The following ERFL variants were observed in gnomAD, a reference collection of about 807,000 sequenced individuals.
The protein encoded by ERFL is ETS repressor factor like.
Under a neutral mutation model 27.9 loss-of-function variants are expected in ERFL, and 8 were observed. That is an observed-to-expected ratio of 0.29 (90% CI 0.17 to 0.52). The LOEUF is 0.52. ERFL is among the 20% of genes least tolerant of loss of function. The pLI is 0.97. For synonymous variants in ERFL, 174 were observed against 202.8 expected (o/e 0.86, Z 1.21); for missense variants, 294 against 444.4 (o/e 0.66, Z 3.04).
Position 41,916,026 on chromosome 19 carries a change from G to A in ERFL, c.-13-3094C>T, listed in dbSNP as rs188698583. On this transcript the variant is annotated intron_variant, in intron 1 of 5. Coordinates refer to ENST00000597630, the MANE Select transcript of ERFL (RefSeq NM_001365103.2). This position sits in a 1 kb window ranked among gnomAD's most constrained non-coding sequence, Gnocchi z 5.4. ...ATTTTGCTTCCTCCACCCCCCCTTC[G>A]CCCCCCATCTCTACCGCCCGCAGCC... 7.2e-5 allele frequency among the ~76,000 whole-genome samples: 9 copies of A among 125,826 alleles called. No homozygotes were observed. The highest frequency in any genetic ancestry group is 1.5e-4 in the African/African-American group (5 of 32,596). The allele number at this position is 125,826 out of a possible 152,430, so 82.5% of individuals were successfully genotyped here.
intron 1 of ERFL, among the ~76,000 whole-genome samples, chr19:41,919,089 C>T (rs1333963073): frequency 6.6e-6 from 1 of 151,722 alleles, no homozygotes; most frequent in East Asian, 1.9e-4. Flanking sequence ...TTACACCACA[C>T]CACATGCCAC....
intron 2 of ERFL, among the ~76,000 whole-genome samples, chr19:41,912,281 A>G (rs1170832850): frequency 6.6e-6 from 1 of 152,058 alleles, no homozygotes; most frequent in Non-Finnish European, 1.5e-5. Context: ...TGAGACCCCA[A>G]ATAACCAAGG....
Position 41,909,106 on chromosome 19 carries a change from C to G in ERFL, c.570G>C (p.Glu190Asp). The change falls in exon 5 of 6, where the codon GAG becomes GAC. Residue 190 changes from glutamate (E) to aspartate (D), a missense_variant. Coordinates refer to ENST00000597630, the MANE Select transcript of ERFL (RefSeq NM_001365103.2). The surrounding 1 kb of genome is among the most constrained non-coding windows in gnomAD (Gnocchi z 5.2). ...PGARTPLFTS[E>D]TDKLRLDSPF... ...GGCTGTCCAGACGCAATTTATCTGT[C>G]TCGGAGGTGAACAGGGGTGTCCGGG... is the stretch of plus-strand genomic sequence containing the variant. The G allele has an allele frequency of 1.6e-6, 2 of 1,231,912 alleles. No individual in the cohort carries two copies. Among genetic ancestry groups the G allele is most frequent in the Non-Finnish European group, 2.0e-6 (2 of 988,114 alleles). The allele number at this position is 1,231,912 out of a possible 1,614,324, so 76.3% of individuals were successfully genotyped here.
chr19:41,918,498 T>TCA (rs782457979), intron 1 of ERFL, among the ~76,000 whole-genome samples: 2 of 101,920 alleles, frequency 2.0e-5, no homozygotes, highest in Non-Finnish European at 4.1e-5. Context: ...CACACACACA[T>TCA]CACACACACA....
chr19:41,918,814 A>G (rs1457501810), intron 1 of ERFL, among the ~76,000 whole-genome samples: 4 of 146,712 alleles, frequency 2.7e-5, no homozygotes, highest in African/African-American at 5.1e-5. Flanking sequence ...CACACACCAC[A>G]TCACTCTCAC....
Position 41,916,100 on chromosome 19 carries a change from G to T in ERFL, c.-13-3168C>A, listed in dbSNP as rs1227277855. ...TGTGAGCGAAGCGGTGTGCAGAGGC[G>T]CTGGGCAGGCGAGGGCCCTCCTCCC... On this transcript the variant is annotated intron_variant, in intron 1 of 5. Coordinates refer to ENST00000597630, the MANE Select transcript of ERFL (RefSeq NM_001365103.2). The surrounding 1 kb of genome is among the most constrained non-coding windows in gnomAD (Gnocchi z 5.4). 1.3e-5 allele frequency among the ~76,000 whole-genome samples: 2 copies of T among 151,796 alleles called. No individual in the cohort carries two copies. The highest frequency in any genetic ancestry group is 2.9e-5 in the Non-Finnish European group (2 of 67,958).
At chr19:41,927,503 T>G (rs1307885856) in intron 1 of ERFL, among the ~76,000 whole-genome samples, 1 of 151,864 alleles carries the variant, frequency 6.6e-6, no homozygotes, top group Non-Finnish European at 1.5e-5. Context: ...GTCCCAGATA[T>G]CCACACCCCC....
At position 41,908,278 on chromosome 19, in the gene ERFL, G is replaced by A; in HGVS notation, c.1015C>T (p.Leu339Phe). 1 of 1,231,620 alleles carries A rather than the reference G, an allele frequency of 8.1e-7. No individual in the cohort carries two copies. The highest frequency in any genetic ancestry group is 1.0e-6 in the Non-Finnish European group (1 of 987,888). The allele number at this position is 1,231,620 out of a possible 1,614,324, so 76.3% of individuals were successfully genotyped here. ...GCCTTTGCCTTGGGGGGTGCCGGGA[G>A]ACCCTCATCGCCCTCGCTGTCAGAG... is the stretch of plus-strand genomic sequence containing the variant. Reference protein sequence around the residue: ...CSSDSEGDEGLPAPPKAKAGK... With the variant: ...CSSDSEGDEGFPAPPKAKAGK... The change falls in exon 6 of 6, where the codon CTC (leucine) becomes TTC (phenylalanine). Residue 339 changes from leucine (L) to phenylalanine (F), a missense_variant. Around this residue, in one of 3 missense-constraint regions of ERFL, gnomAD observed 246 missense variants for 371.4 expected, o/e 0.66. Transcript: ENST00000597630. This position sits in a 1 kb window ranked among gnomAD's most constrained non-coding sequence, Gnocchi z 6.7.
In ERFL at chr19:41,925,315, T is replaced by C. The variant is rs138026316; in HGVS notation, c.-14+2725A>G. Among the ~76,000 whole-genome samples, 802 of 151,880 alleles carry C rather than the reference T, an allele frequency of 5.3e-3. 5 individuals carry two copies. Among genetic ancestry groups the C allele is most frequent in the Non-Finnish European group, 8.5e-3 (574 of 67,918 alleles). On this transcript the variant is annotated intron_variant, in intron 1 of 5. Transcript: ENST00000597630. ...AGAGAGAGAGAGAAACATGGGAAAT[T>C]AGGTATGTGGGAAAGAAGAGAAGTG...
At chr19:41,911,518 G>T (rs547459169) in intron 2 of ERFL, among the ~76,000 whole-genome samples, 1 of 152,324 alleles carries the variant, frequency 6.6e-6, no homozygotes, top group South Asian at 2.1e-4. Context: ...GGGGGCGCAG[G>T]GTCCCACCCA....
rs906228030 is a variant in ERFL, at chr19:41,917,419, C to T, written c.-13-4487G>A. ...TTTCTCTAAGCTGCGCCGGCCGCCT[C>T]GGGAGCCGCCTCGGGCCTCGCACCC... On this transcript the variant is annotated intron_variant, in intron 1 of 5. Transcript: ENST00000597630. The surrounding 1 kb of genome is among the most constrained non-coding windows in gnomAD (Gnocchi z 4.8). Among the ~76,000 whole-genome samples the T allele has an allele frequency of 1.1e-4, 16 of 152,032 alleles. No homozygotes were observed. The highest frequency in any genetic ancestry group is 1.9e-4 in the Non-Finnish European group (13 of 67,988).
At chr19:41,913,833 C>T (rs2145887741) in intron 1 of ERFL, among the ~76,000 whole-genome samples, 1 of 151,086 alleles carries the variant, frequency 6.6e-6, no homozygotes, top group South Asian at 2.1e-4. Flanking sequence ...CACTCCCTCT[C>T]ACACCCCTCC....
chr19:41,926,680 TGCGGAGC>T (rs1238393173), intron 1 of ERFL, among the ~76,000 whole-genome samples: 1 of 149,840 alleles, frequency 6.7e-6, no homozygotes, highest in Non-Finnish European at 1.5e-5. Context: ...TGCTTGGCGA[TGCGGAGC>T]GCGTCTGGGC....
In ERFL at chr19:41,909,935, T is replaced by G; in HGVS notation, c.230A>C (p.Glu77Ala). 1 of 1,613,920 alleles carries G rather than the reference T, an allele frequency of 6.2e-7. No homozygotes were observed. Among genetic ancestry groups the G allele is most frequent in the Non-Finnish European group, 8.5e-7 (1 of 1,179,956 alleles). ...YGEFVIKDPD[E>A]VARLWGIRKC... is the part of the protein sequence containing the mutation. ...GCGAATACCCCACAGCCGGGCCACC[T>G]CATCGGGGTCTTTGATGACGAATTC... Residue 77 changes from glutamate (E) to alanine (A), a missense_variant, in exon 3 of 6, where the codon GAG becomes GCG. Physicochemically the swap from Glu to Ala is moderately radical, Grantham distance 107 (BLOSUM62 -1). Coordinates refer to ENST00000597630, the MANE Select transcript of ERFL (RefSeq NM_001365103.2). This position sits in a 1 kb window ranked among gnomAD's most constrained non-coding sequence, Gnocchi z 5.2.
chr19:41,909,651 G>A lies in ERFL; in HGVS notation c.303-180C>T, dbSNP rs1467336824. On this transcript the variant is annotated intron_variant, in intron 3 of 5. Transcript: ENST00000597630. The surrounding 1 kb of genome is among the most constrained non-coding windows in gnomAD (Gnocchi z 5.2). Reference sequence around the variant, plus strand: ...GGCAAGGAAGGGATGAGGCAGGAGCGGGGACCCTGCCCTGCAAGACTCCAA... The same window carrying A: ...GGCAAGGAAGGGATGAGGCAGGAGCAGGGACCCTGCCCTGCAAGACTCCAA... Among the ~76,000 whole-genome samples the A allele has an allele frequency of 3.9e-5, 6 of 152,072 alleles. No individual in the cohort carries two copies. The highest frequency in any genetic ancestry group is 1.9e-4 in the East Asian group (1 of 5,184).
In ERFL at chr19:41,907,992, C is replaced by A. The variant is rs1198326886; in HGVS notation, c.*236G>T. Reference sequence around the variant, plus strand: ...CTTTGGGAGTGGGGCCAGGCGGGGACCCCCCTCAAACTGGAGCCTGGGGAG... The same window carrying A: ...CTTTGGGAGTGGGGCCAGGCGGGGAACCCCCTCAAACTGGAGCCTGGGGAG... On this transcript the variant is annotated 3_prime_UTR_variant, in exon 6 of 6. Coordinates refer to ENST00000597630, the MANE Select transcript of ERFL (RefSeq NM_001365103.2). 1 of 399,994 alleles carries A rather than the reference C, an allele frequency of 2.5e-6. No individual in the cohort carries two copies. The highest frequency in any genetic ancestry group is 4.4e-5 in the Admixed American group (1 of 22,484). The allele number at this position is 399,994 out of a possible 1,614,324, so 24.8% of individuals were successfully genotyped here.
intron 1 of ERFL, among the ~76,000 whole-genome samples, chr19:41,927,735 T>C (rs1451110996): frequency 6.6e-6 from 1 of 151,982 alleles, no homozygotes; most frequent in Non-Finnish European, 1.5e-5. Flanking sequence ...TTCCCAGATT[T>C]TCAGTCCAGT....
At chr19:41,912,550 C>T (rs2074759238) in intron 2 of ERFL, among the ~76,000 whole-genome samples, 1 of 152,210 alleles carries the variant, frequency 6.6e-6, no homozygotes, top group African/African-American at 2.4e-5. Flanking sequence ...TGGGAGCAGG[C>T]TGAGACGTGC....
chr19:41,915,490 C>T (rs2074795418), intron 1 of ERFL, among the ~76,000 whole-genome samples: 1 of 152,002 alleles, frequency 6.6e-6, no homozygotes, highest in African/African-American at 2.4e-5. Flanking sequence ...CCCCACGTCT[C>T]TGTGTCCCCA....
Sources: gnomAD v4.1 joint callset for allele counts (sites outside exome capture counted in the v4.1 genomes callset) on GRCh38, gnomAD v4.1.1 for gene constraint, gnomAD v4.1.1 regional missense constraint, Gnocchi (gnomAD v3.1) non-coding constraint, MANE v1.5 for transcripts, NCBI Gene and HGNC (gene_info 2026-07-23, HGNC 2026-07-21) for gene names.